The following GRIA3 variants were observed in gnomAD, a reference collection of about 807,000 sequenced individuals.
The protein encoded by GRIA3 is glutamate receptor 3.
GRIA3 carries 3 observed loss-of-function variants against 63.0 expected under a neutral mutation model. The observed-to-expected ratio is 0.05, with a 90% CI of 0.02 to 0.12. The LOEUF (loss-of-function observed/expected upper bound fraction) is 0.12, where lower values mean the gene tolerates loss of function less well. Ranked by LOEUF, GRIA3 falls within the 10% of genes least tolerant of loss-of-function variation. The pLI is 1.00. For synonymous variants in GRIA3, 274 were observed against 257.9 expected (o/e 1.06, Z -0.60); for missense variants, 347 against 700.9 (o/e 0.50, Z 5.70).
Position 123,326,063 on chromosome X carries a change from G to A in GRIA3, c.546G>A (p.Val182=). ...TCCAAGCGATTATGGAAGCAGCAGTGCAAAACAACTGGCAAGTAACAGCAA... is the reference window on the plus strand; with the variant it reads ...TCCAAGCGATTATGGAAGCAGCAGTACAAAACAACTGGCAAGTAACAGCAA... ...SILQAIMEAA[V]QNNWQVTARS... Residue 182 remains valine (V), a synonymous_variant, in exon 4 of 16, where the codon GTG becomes GTA. Transcript: ENST00000620443. 1 of 1,209,168 alleles carries A rather than the reference G, an allele frequency of 8.3e-7. No individual in the cohort carries two copies. Among genetic ancestry groups the A allele is most frequent in the Non-Finnish European group, 1.1e-6 (1 of 893,237 alleles).
At chrX:123,436,218 C>T (rs767633884) in intron 12 of GRIA3, among the ~76,000 whole-genome samples, 2 of 111,595 alleles carry the variant, frequency 1.8e-5, no homozygotes, top group Admixed American at 9.5e-5. Context: ...TCTCCAGACA[C>T]AGTTCTGTAG....
At chrX:123,305,592 A>T (rs1056080078) in intron 3 of GRIA3, among the ~76,000 whole-genome samples, 1 of 111,625 alleles carries the variant, frequency 9.0e-6, no homozygotes, top group Non-Finnish European at 1.9e-5. Flanking sequence ...ATTAGCATTT[A>T]TTTTTCTGCA....
chrX:123,276,831 T>A (rs2044557375), intron 3 of GRIA3, among the ~76,000 whole-genome samples: 1 of 111,758 alleles, frequency 8.9e-6, no homozygotes, highest in Non-Finnish European at 1.9e-5. Flanking sequence ...TAGAGCAGTG[T>A]ATTAGAGACA....
chrX:123,293,227 C>A (rs757805612), intron 3 of GRIA3, among the ~76,000 whole-genome samples: 6 of 110,502 alleles, frequency 5.4e-5, no homozygotes, highest in Non-Finnish European at 1.1e-4. Context: ...ATCATGACAC[C>A]TATCTATGCC....
At chrX:123,480,821 G>T (rs888844135) in intron 14 of GRIA3, among the ~76,000 whole-genome samples, 2 of 111,522 alleles carry the variant, frequency 1.8e-5, no homozygotes, top group African/African-American at 6.5e-5. Flanking sequence ...AAATTTAGTC[G>T]CATGCTCCTT....
At chrX:123,341,700 A>G (rs2045009840) in intron 4 of GRIA3, among the ~76,000 whole-genome samples, 1 of 112,617 alleles carries the variant, frequency 8.9e-6, no homozygotes, top group East Asian at 2.8e-4. Flanking sequence ...ACGTACCACC[A>G]TACAGGTATT....
At chrX:123,488,593 C>G (rs898471813) in intron 15 of GRIA3, 120 bp from the exon 16 acceptor site, 2 of 112,013 alleles carry the variant, frequency 1.8e-5, no homozygotes, top group Non-Finnish European at 3.8e-5. Context: ...AGGTGCAACC[C>G]CAGAAATGCC....
intron 12 of GRIA3, 24 bp downstream of exon 12, chrX:123,428,163 G>C: frequency 9.9e-7 from 1 of 1,007,455 alleles, no homozygotes; most frequent in Non-Finnish European, 1.4e-6. Flanking sequence ...AGTTAATTGA[G>C]CCTGCTGATA....
chrX:123,300,361 T>C (rs1479171991), intron 3 of GRIA3, among the ~76,000 whole-genome samples: 1 of 11,546 alleles, frequency 8.7e-5, no homozygotes, highest in East Asian at 5.0e-3. Context: ...GGTCCTGGGC[T>C]TTTTTTTTTT....
chrX:123,465,825 T>G, intron 13 of GRIA3: 5 of 932,438 alleles, frequency 5.4e-6, no homozygotes, highest in Non-Finnish European at 7.8e-6. Context: ...GTACCCTTAG[T>G]GACGAGTAAT....
chrX:123,188,875 T>C (rs1927348939), intron 2 of GRIA3, among the ~76,000 whole-genome samples: 1 of 111,843 alleles, frequency 8.9e-6, no homozygotes, highest in Non-Finnish European at 1.9e-5. Context: ...TGTGTCCCTG[T>C]TCTCTGTTCT....
rs187355024 is a variant in GRIA3 at position 123,372,974 on chromosome X, T to A, written c.750+18011T>A. On this transcript the variant is annotated intron_variant, in intron 5 of 15. Coordinates refer to ENST00000620443, the MANE Select transcript of GRIA3 (RefSeq NM_007325.5). ...TTGGTGTGCTGCACCCATTAACTCA[T>A]CATTTACATTAGGTATTTCTCCTAA... is the stretch of plus-strand genomic sequence containing the variant. Among the ~76,000 whole-genome samples the A allele has an allele frequency of 8.1e-3, 888 of 109,584 alleles. 11 individuals carry two copies. The highest frequency in any genetic ancestry group is 0.028 in the African/African-American group (836 of 30,006).
chrX:123,345,251 C>T (rs1347108308), intron 4 of GRIA3, among the ~76,000 whole-genome samples: 1 of 111,080 alleles, frequency 9.0e-6, no homozygotes, highest in East Asian at 2.8e-4. Context: ...GCCCAAGACG[C>T]CTAGGCAATG....
At chrX:123,407,665 T>C (rs933788985) in intron 10 of GRIA3, among the ~76,000 whole-genome samples, 2 of 76,101 alleles carry the variant, frequency 2.6e-5, no homozygotes, top group Non-Finnish European at 4.6e-5. Flanking sequence ...CCTTGGGGGT[T>C]AGGATTTCAA....
chrX:123,338,518 C>T (rs1266316322), intron 4 of GRIA3, among the ~76,000 whole-genome samples: 1 of 112,179 alleles, frequency 8.9e-6, no homozygotes, highest in Non-Finnish European at 1.9e-5. Flanking sequence ...AGAATGCATG[C>T]GTGACAATTT....
intron 4 of GRIA3, among the ~76,000 whole-genome samples, chrX:123,329,009 C>A (rs2044923705): frequency 8.9e-6 from 1 of 111,915 alleles, no homozygotes; most frequent in Non-Finnish European, 1.9e-5. Context: ...TGGTTCCTAA[C>A]CAGTCTTTTG....
intron 13 of GRIA3, among the ~76,000 whole-genome samples, chrX:123,470,577 G>C (rs764613634): frequency 1.8e-5 from 2 of 111,690 alleles, no homozygotes; most frequent in African/African-American, 6.5e-5. Context: ...TTCAAAGATA[G>C]TAAAAAGTTA....
chrX:123,272,381 T>C (rs1173232749), intron 3 of GRIA3, among the ~76,000 whole-genome samples: 1 of 112,062 alleles, frequency 8.9e-6, no homozygotes, highest in Non-Finnish European at 1.9e-5. Context: ...TTAAAGAAGT[T>C]CCTTCTAGGC....
At chrX:123,396,648 A>G (rs2045415579) in intron 6 of GRIA3, among the ~76,000 whole-genome samples, 1 of 112,026 alleles carries the variant, frequency 8.9e-6, no homozygotes, top group South Asian at 3.7e-4. Context: ...ATTAGGCTCT[A>G]ATACAGAGTG....
Sources: allele counts gnomAD v4.1 joint callset (sites outside exome capture counted in the v4.1 genomes callset), GRCh38; gene constraint gnomAD v4.1.1; transcripts MANE v1.5; gene names NCBI Gene and HGNC (gene_info 2026-07-23, HGNC 2026-07-21).